Variants in COTL1 observed in about 807,000 individuals in gnomAD.
The protein encoded by COTL1 is coactosin-like protein.
Under a neutral mutation model 16.5 loss-of-function variants are expected in COTL1, and 15 were observed. The observed-to-expected ratio is 0.91, with a 90% CI of 0.61 to 1.40. The LOEUF is 1.40. COTL1 is among the 40% of genes most tolerant of loss of function. COTL1 has a pLI of 0.00. For missense variants in COTL1, 220 were observed against 201.5 expected, an observed-to-expected ratio of 1.09 and a Z score of -0.56; for synonymous variants, 112 against 85.3, an observed-to-expected ratio of 1.31 and a Z score of -1.73.
At chr16:84,571,199 C>T (rs1024714298) in intron 3 of COTL1, among the ~76,000 whole-genome samples, 3 of 152,172 alleles carry the variant, frequency 2.0e-5, no homozygotes, top group Non-Finnish European at 4.4e-5. Context: ...GGCTCTGCTC[C>T]CGTCCTCACA....
At chr16:84,576,993 T>C (rs1381255471) in intron 3 of COTL1, 1 of 152,338 alleles carries the variant, frequency 6.6e-6, no homozygotes, top group African/African-American at 2.4e-5. Context: ...TCTGAACTGC[T>C]GAAGAAATAC....
chr16:84,565,721 A>G lies in COTL1; in HGVS notation c.*1124T>C, dbSNP rs1371930690. ...AATGAGCAAGGAAAAACAGAAAAAG[A>G]GCTATATCAAATGTGCTCATGAAGA... On this transcript the variant is annotated 3_prime_UTR_variant, in exon 4 of 4. Coordinates refer to ENST00000262428, the MANE Select transcript of COTL1 (RefSeq NM_021149.5). 6.5e-6 allele frequency: 1 copy of G among 152,678 alleles called. No homozygotes were observed. The highest frequency in any genetic ancestry group is 2.4e-5 in the African/African-American group (1 of 41,466). 9.5% of individuals were successfully genotyped at this position (152,678 alleles called of 1,614,324 possible). A position where few individuals can be genotyped will look rare whatever the true frequency, so the allele number is the denominator to read the frequency against.
intron 3 of COTL1, among the ~76,000 whole-genome samples, chr16:84,574,401 A>G (rs1426809267): frequency 6.6e-6 from 1 of 152,072 alleles, no homozygotes; most frequent in African/African-American, 2.4e-5. Context: ...GTGGCTGAAG[A>G]AAGCTCTTTG....
At chr16:84,604,584 C>T (rs2052904) in intron 2 of COTL1, among the ~76,000 whole-genome samples, 82,150 of 151,596 alleles carry the variant, frequency 0.54, 22,519 homozygotes, top group East Asian at 0.78. Context: ...GGATGAGTGA[C>T]CAAAGTCACC....
At position 84,605,083 on chromosome 16, in the gene COTL1, T is replaced by C. The variant is rs1318577091; in HGVS notation, c.160+12418A>G. Among the ~76,000 whole-genome samples, 3 of 152,198 alleles carry C rather than the reference T, an allele frequency of 2.0e-5. No individual in the cohort carries two copies. In the East Asian group the frequency reaches 5.8e-4, roughly 29 times the overall value. Reference sequence around the variant, plus strand: ...CACAGGCTTTCTGTGTCAACAACAATGGCAGAAATGGCCTCTAAACAACAG... The same window carrying C: ...CACAGGCTTTCTGTGTCAACAACAACGGCAGAAATGGCCTCTAAACAACAG... On this transcript the variant is annotated intron_variant, in intron 2 of 3. Coordinates refer to ENST00000262428, the MANE Select transcript of COTL1 (RefSeq NM_021149.5).
intron 3 of COTL1, among the ~76,000 whole-genome samples, chr16:84,584,272 C>T (rs1483871333): frequency 1.3e-5 from 2 of 152,236 alleles, no homozygotes; most frequent in South Asian, 2.1e-4. Context: ...CCTGCTGCCC[C>T]GTGGCCTTGC....
chr16:84,573,015 A>T (rs913231768), intron 3 of COTL1, among the ~76,000 whole-genome samples: 3 of 152,148 alleles, frequency 2.0e-5, no homozygotes, highest in African/African-American at 7.2e-5. Flanking sequence ...CGGCCTCCCA[A>T]AGTGCTAGAA....
At chr16:84,572,937 G>C (rs1185978759) in intron 3 of COTL1, among the ~76,000 whole-genome samples, 1 of 144,954 alleles carries the variant, frequency 6.9e-6, no homozygotes, top group Admixed American at 6.9e-5. Context: ...TTTTTTGGTA[G>C]ATAATGGGGT....
rs1227869337 is a variant in COTL1, at chr16:84,566,939, A to C, written c.335T>G (p.Phe112Cys). Residue 112 changes from phenylalanine (F) to cysteine (C), a missense_variant, in exon 4 of 4, where the codon TTT (phenylalanine) becomes TGT (cysteine). By Grantham distance (205) the Phe-to-Cys change is radical. Coordinates refer to ENST00000262428, the MANE Select transcript of COTL1 (RefSeq NM_021149.5). ...CAGCTCCTTCCGATCACTGATCACA[A>C]ACTCCTTAGCGAAATTCTGCAAGAA... is the stretch of plus-strand genomic sequence containing the variant. ...KEVVQNFAKE[F>C]VISDRKELEE... The C allele has an allele frequency of 1.2e-6, 2 of 1,613,350 alleles. No individual in the cohort carries two copies. Among genetic ancestry groups the C allele is most frequent in the African/African-American group, 2.7e-5 (2 of 74,932 alleles).
intron 3 of COTL1, among the ~76,000 whole-genome samples, chr16:84,578,293 T>TA (rs1051151190): frequency 6.6e-6 from 1 of 152,178 alleles, no homozygotes; most frequent in African/African-American, 2.4e-5. Flanking sequence ...ACAGAATTTT[T>TA]AAAAAATAAC....
intron 3 of COTL1, among the ~76,000 whole-genome samples, chr16:84,571,806 C>T (rs1567530403): frequency 6.6e-6 from 1 of 152,170 alleles, no homozygotes; most frequent in Non-Finnish European, 1.5e-5. Context: ...AGAGCTGGAC[C>T]CCAGCCTGCT....
At chr16:84,574,882 C>T (rs1172549664) in intron 3 of COTL1, among the ~76,000 whole-genome samples, 1 of 152,118 alleles carries the variant, frequency 6.6e-6, no homozygotes, top group Non-Finnish European at 1.5e-5. Flanking sequence ...AATAAACATC[C>T]ATTGAAACCT....
At chr16:84,586,915 A>G (rs2967855) in intron 3 of COTL1, among the ~76,000 whole-genome samples, 42,878 of 152,018 alleles carry the variant, frequency 0.28, 7,005 homozygotes, top group African/African-American at 0.46. Context: ...TTTTTTAAAT[A>G]GGAAGACAAA....
chr16:84,572,324 C>T (rs530759562), intron 3 of COTL1, among the ~76,000 whole-genome samples: 1 of 152,336 alleles, frequency 6.6e-6, no homozygotes, highest in South Asian at 2.1e-4. Flanking sequence ...CCACACACAC[C>T]TCAAGACACA....
At chr16:84,611,854 G>A (rs1037245612) in intron 2 of COTL1, among the ~76,000 whole-genome samples, 1 of 152,086 alleles carries the variant, frequency 6.6e-6, no homozygotes, top group South Asian at 2.1e-4. Flanking sequence ...CCACTGCCTC[G>A]CCACACATAC....
intron 2 of COTL1, among the ~76,000 whole-genome samples, chr16:84,608,493 T>C (rs538088629): frequency 3.3e-5 from 5 of 152,338 alleles, no homozygotes; most frequent in South Asian, 2.1e-4. Flanking sequence ...AAAAAAGCTA[T>C]GCAGCGTGGC....
intron 3 of COTL1, among the ~76,000 whole-genome samples, chr16:84,582,964 A>T (rs896229427): frequency 7.2e-5 from 11 of 152,226 alleles, no homozygotes; most frequent in Non-Finnish European, 1.5e-4. Flanking sequence ...GTTCCAGTTT[A>T]AAGCTTCCAC....
At chr16:84,571,018 T>C (rs375120615) in intron 3 of COTL1, among the ~76,000 whole-genome samples, 16 of 152,142 alleles carry the variant, frequency 1.1e-4, no homozygotes, top group African/African-American at 3.9e-4. Context: ...TAAACATTTC[T>C]GAAGATACAG....
chr16:84,585,476 T>A (rs2967853), intron 3 of COTL1, among the ~76,000 whole-genome samples: 152,191 of 152,336 alleles, frequency 1, 76,023 homozygotes, highest in Non-Finnish European at 1. Flanking sequence ...ACTTTATTAC[T>A]GTCAAAAAGT....
Sources: gnomAD v4.1 joint callset for allele counts (sites outside exome capture counted in the v4.1 genomes callset) on GRCh38, gnomAD v4.1.1 for gene constraint, MANE v1.5 for transcripts, NCBI Gene and HGNC (gene_info 2026-07-23, HGNC 2026-07-21) for gene names.